COBL: variants seen among roughly 807,000 people sequenced by gnomAD.
COBL encodes the protein protein cordon-bleu.
A neutral mutation model predicts 98.8 loss-of-function variants in COBL; 51 were observed. The observed-to-expected ratio is 0.52, with a 90% CI of 0.41 to 0.65. The LOEUF (loss-of-function observed/expected upper bound fraction) is 0.65. COBL is among the 30% of genes least tolerant of loss of function. The probability of loss-of-function intolerance (pLI) is 0.00; values close to 1 mark genes in which losing one functional copy is unlikely to be tolerated. For synonymous variants in COBL, 634 were observed against 651.7 expected (o/e 0.97, Z 0.41); for missense variants, 1,617 against 1,617.5 (o/e 1.00, Z 0.01).
At chr7:51,259,933 A>G in intron 1 of COBL, 1 of 757,544 alleles carries the variant, frequency 1.3e-6, no homozygotes, top group Non-Finnish European at 2.4e-6. Flanking sequence ...TGGCAATTCC[A>G]AGGCATGAGG....
intron 5 of COBL, among the ~76,000 whole-genome samples, chr7:51,141,009 T>A (rs1562958066): frequency 6.6e-6 from 1 of 152,078 alleles, no homozygotes; most frequent in African/African-American, 2.4e-5. Context: ...GATGGATCAA[T>A]CTGTTCATAC....
At chr7:51,141,430 C>G (rs900608085) in intron 5 of COBL, among the ~76,000 whole-genome samples, 6 of 151,992 alleles carry the variant, frequency 3.9e-5, no homozygotes, top group Non-Finnish European at 7.4e-5. Context: ...AAAACTGAGG[C>G]CCAGACAGAG....
chr7:51,028,301 G>C lies in COBL; in HGVS notation c.2795C>G (p.Pro932Arg). ...GTGGTTGTTGGGAGGAGTGACACAG[G>C]GCCACTGGGCACCATCCTTCCATCC... Reference protein sequence around the residue: ...TQGWKDGAQWPCVTPPNNHGE... With the variant: ...TQGWKDGAQWRCVTPPNNHGE... The change falls in exon 10 of 13, where the codon CCC becomes CGC. Residue 932 changes from proline (P) to arginine (R), a missense_variant. Transcript: ENST00000265136. The C allele has an allele frequency of 3.1e-6, 5 of 1,614,220 alleles. No homozygotes were observed. The highest frequency in any genetic ancestry group is 4.2e-6 in the Non-Finnish European group (5 of 1,180,036).
intron 5 of COBL, among the ~76,000 whole-genome samples, chr7:51,140,174 C>A (rs1799603177): frequency 6.6e-6 from 1 of 152,034 alleles, no homozygotes; most frequent in Non-Finnish European, 1.5e-5. Flanking sequence ...GAAAACTAAG[C>A]AAACAGAACC....
At position 51,219,893 on chromosome 7, in the gene COBL, C is replaced by T. The variant is rs749410272; in HGVS notation, c.93G>A (p.Leu31=). ...APPPPGKAAT[L]HVHSDQKPPH... ...GGGGCTTCTGGTCACTGTGCACATG[C>T]AGAGTGGCAGCCTTTCCAGGAGGTG... Residue 31 remains leucine, a synonymous_variant, in exon 2 of 13, where the codon CTG becomes CTA. Coordinates refer to ENST00000265136, the MANE Select transcript of COBL (RefSeq NM_015198.5). 12 of 1,612,624 alleles carry T rather than the reference C, an allele frequency of 7.4e-6. No individual in the cohort carries two copies. Among genetic ancestry groups the T allele is most frequent in the Non-Finnish European group, 9.3e-6 (11 of 1,180,020 alleles).
At chr7:51,098,520 T>G (rs1795517094) in intron 6 of COBL, among the ~76,000 whole-genome samples, 1 of 152,136 alleles carries the variant, frequency 6.6e-6, no homozygotes, top group Non-Finnish European at 1.5e-5. Flanking sequence ...GGAAGATAGT[T>G]TCTTCAACAA....
intron 1 of COBL, among the ~76,000 whole-genome samples, chr7:51,226,280 CTG>C (rs1164949920): frequency 1.3e-5 from 2 of 152,176 alleles, no homozygotes; most frequent in African/African-American, 4.8e-5. Context: ...CTAAGAGAGT[CTG>C]TTTATGCTGC....
At chr7:51,299,840 C>T (rs1801756732) in intron 1 of COBL, among the ~76,000 whole-genome samples, 1 of 152,162 alleles carries the variant, frequency 6.6e-6, no homozygotes, top group Non-Finnish European at 1.5e-5. Context: ...CCCATGACTC[C>T]ACAAGACAGG....
chr7:51,294,931 C>T (rs189874980), intron 1 of COBL, among the ~76,000 whole-genome samples: 9 of 151,770 alleles, frequency 5.9e-5, no homozygotes, highest in East Asian at 3.9e-4. Flanking sequence ...GGGCCTGTTG[C>T]GGGGTAGGGG....
chr7:51,175,218 T>A (rs1788254204), intron 5 of COBL, among the ~76,000 whole-genome samples: 2 of 152,256 alleles, frequency 1.3e-5, no homozygotes, highest in Admixed American at 1.3e-4. Context: ...TTTGCACTGC[T>A]GATATCACTT....
intron 1 of COBL, among the ~76,000 whole-genome samples, chr7:51,301,294 AAAGT>A (rs1801941167): frequency 6.6e-6 from 1 of 152,188 alleles, no homozygotes; most frequent in South Asian, 2.1e-4. Flanking sequence ...ACGCCAAAGA[AAAGT>A]AAGTGAGGGA....
At chr7:51,222,429 G>GT (rs1197254081) in intron 1 of COBL, among the ~76,000 whole-genome samples, 2 of 152,122 alleles carry the variant, frequency 1.3e-5, no homozygotes, top group Non-Finnish European at 2.9e-5. Context: ...CTTTAAGGAG[G>GT]TATTACTGAT....
At chr7:51,219,504 C>T (rs1213371570) in intron 2 of COBL, among the ~76,000 whole-genome samples, 2 of 152,294 alleles carry the variant, frequency 1.3e-5, no homozygotes, top group African/African-American at 4.8e-5. Flanking sequence ...GGAGCCCCAG[C>T]TCTCCTAAGC....
intron 5 of COBL, among the ~76,000 whole-genome samples, chr7:51,152,422 T>G (rs745668067): frequency 2.2e-4 from 33 of 152,206 alleles, no homozygotes; most frequent in Non-Finnish European, 3.8e-4. Context: ...CTCCTAAGCC[T>G]CATGAAACCC....
At chr7:51,111,629 T>C (rs1184187857) in intron 6 of COBL, among the ~76,000 whole-genome samples, 2 of 152,164 alleles carry the variant, frequency 1.3e-5, no homozygotes, top group Admixed American at 6.5e-5. Context: ...AAGGCCCATC[T>C]CAATACTACA....
At chr7:51,026,072 C>T (rs1197605314) in intron 11 of COBL, among the ~76,000 whole-genome samples, 2 of 152,230 alleles carry the variant, frequency 1.3e-5, no homozygotes, top group Non-Finnish European at 2.9e-5. Flanking sequence ...AATCACATTG[C>T]TCCTCAATTT....
At chr7:51,151,766 C>A (rs947638002) in intron 5 of COBL, among the ~76,000 whole-genome samples, 9 of 152,216 alleles carry the variant, frequency 5.9e-5, no homozygotes, top group Non-Finnish European at 1.2e-4. Context: ...TATTTCCCAG[C>A]TTCCTTGGTT....
Position 51,058,374 on chromosome 7 carries a change from CCTGT to C in COBL, c.1097-14686_1097-14683del, listed in dbSNP as rs1341783329. 3.3e-5 allele frequency among the ~76,000 whole-genome samples: 5 copies of C among 152,018 alleles called. 1 individual carries two copies. Among genetic ancestry groups the C allele is most frequent in the African/African-American group, 1.2e-4 (5 of 41,362 alleles). ...ACCAGCCTCAGCAACAAAGCGAGAC[CCTGT>C]CTGTCTCTACAAAAAGTTTTAAAAA... On this transcript the variant is annotated intron_variant, in intron 7 of 12. Transcript: ENST00000265136.
At chr7:51,059,586 AGGAGG>A in intron 7 of COBL, among the ~76,000 whole-genome samples, 1 of 119,750 alleles carries the variant, frequency 8.4e-6, no homozygotes, top group Non-Finnish European at 1.6e-5. Context: ...ATGGGTTTCT[AGGAGG>A]GAGTCCCAGG....
Sources: gnomAD v4.1 joint callset for allele counts (sites outside exome capture counted in the v4.1 genomes callset) on GRCh38, gnomAD v4.1.1 for gene constraint, MANE v1.5 for transcripts, NCBI Gene and HGNC (gene_info 2026-07-23, HGNC 2026-07-21) for gene names.